GNA14: variants seen among roughly 807,000 people sequenced by gnomAD.
The protein encoded by GNA14 is G protein subunit alpha 14, also known as guanine nucleotide-binding protein subunit alpha-14.
GNA14 carries 50 observed loss-of-function variants against 42.0 expected under a neutral mutation model. That is an observed-to-expected ratio of 1.19 (90% confidence interval 0.95 to 1.51). GNA14 has a LOEUF of 1.51. Ranked by LOEUF, GNA14 falls within the 40% of genes most tolerant of loss-of-function variation. The pLI, the probability that GNA14 is intolerant of heterozygous loss-of-function variation, is 0.00. For missense variants in GNA14, 473 were observed against 446.2 expected, an observed-to-expected ratio of 1.06 and a Z score of -0.54; for synonymous variants, 173 against 163.1, an observed-to-expected ratio of 1.06 and a Z score of -0.46.
chr9:77,498,668 GAA>G (rs1363165663), intron 2 of GNA14, among the ~76,000 whole-genome samples: 6 of 152,174 alleles, frequency 3.9e-5, no homozygotes, highest in Non-Finnish European at 8.8e-5. Context: ...GCTCTTGAGA[GAA>G]CGCCATCCAA....
chr9:77,532,735 G>A (rs899318368), intron 1 of GNA14, among the ~76,000 whole-genome samples: 2 of 152,102 alleles, frequency 1.3e-5, no homozygotes, highest in South Asian at 2.1e-4. Context: ...GCATGCGTCC[G>A]CTCTGCCTTG....
intron 2 of GNA14, among the ~76,000 whole-genome samples, chr9:77,471,571 G>A (rs1836330311): frequency 6.6e-6 from 1 of 152,222 alleles, no homozygotes; most frequent in South Asian, 2.1e-4. Context: ...GAAAATCACA[G>A]AGGAAGAGCA....
At chr9:77,555,048 A>G (rs899726806) in intron 1 of GNA14, among the ~76,000 whole-genome samples, 27 of 152,176 alleles carry the variant, frequency 1.8e-4, no homozygotes, top group African/African-American at 6.3e-4. Flanking sequence ...TTTAAAATGA[A>G]AATATGCACA....
chr9:77,599,421 G>A (rs146092947), intron 1 of GNA14, among the ~76,000 whole-genome samples: 72 of 152,322 alleles, frequency 4.7e-4, no homozygotes, highest in African/African-American at 1.6e-3. Flanking sequence ...TCCCTGTAAG[G>A]GATAATGGGC....
intron 4 of GNA14, 40 bp downstream of exon 4, chr9:77,431,281 T>C (rs760152396): frequency 6.3e-7 from 1 of 1,596,700 alleles, no homozygotes; most frequent in South Asian, 1.1e-5. Context: ...CTTCCAAGCC[T>C]GGGCAGATTC....
chr9:77,427,804 C>T (rs1159871740), intron 5 of GNA14, among the ~76,000 whole-genome samples: 13 of 152,156 alleles, frequency 8.5e-5, no homozygotes, highest in East Asian at 1.9e-4. Flanking sequence ...TCCCAGGAGA[C>T]GTGAAGGCAG....
At chr9:77,620,970 A>G (rs1823912796) in intron 1 of GNA14, among the ~76,000 whole-genome samples, 1 of 151,624 alleles carries the variant, frequency 6.6e-6, no homozygotes. Flanking sequence ...TCTCACTCCT[A>G]TCACCCAGGC....
chr9:77,624,679 G>T lies in GNA14; in HGVS notation c.124+22991C>A, dbSNP rs537575017. On this transcript the variant is annotated intron_variant, in intron 1 of 6. Transcript: ENST00000341700. Reference sequence around the variant, plus strand: ...ACTCCAGCAGACCTGCAGCAGAGGGGCCTGACTGTTAGAAAGAAAACTAAC... The same window carrying T: ...ACTCCAGCAGACCTGCAGCAGAGGGTCCTGACTGTTAGAAAGAAAACTAAC... Among the ~76,000 whole-genome samples, 17 of 152,284 alleles carry T rather than the reference G, an allele frequency of 1.1e-4. No individual in the cohort carries two copies. The South Asian group carries it at 3.3e-3, about 30-fold the overall frequency.
intron 2 of GNA14, among the ~76,000 whole-genome samples, chr9:77,497,752 T>C (rs115698063): frequency 0.011 from 1,620 of 152,114 alleles, 41 homozygotes; most frequent in African/African-American, 0.037. Context: ...TACATATGCA[T>C]ATACATATTT....
intron 1 of GNA14, chr9:77,580,486 A>G: frequency 2.6e-6 from 1 of 383,324 alleles, no homozygotes; most frequent in South Asian, 2.7e-5. Context: ...AGATAGCTGC[A>G]TCATCAGCAT....
intron 1 of GNA14, among the ~76,000 whole-genome samples, chr9:77,635,732 C>T (rs1824174597): frequency 6.6e-6 from 1 of 152,164 alleles, no homozygotes; most frequent in South Asian, 2.1e-4. Flanking sequence ...ATCTCATAAT[C>T]AATGTTGCCT....
intron 1 of GNA14, among the ~76,000 whole-genome samples, chr9:77,548,786 C>T (rs77679416): frequency 0.016 from 2,382 of 152,252 alleles, 69 homozygotes; most frequent in African/African-American, 0.055. Context: ...TGTGCATAAA[C>T]GATCATATTA....
chr9:77,643,301 G>T lies in GNA14; in HGVS notation c.124+4369C>A, dbSNP rs1468296364. Among the ~76,000 whole-genome samples, 6 of 149,668 alleles carry T rather than the reference G, an allele frequency of 4.0e-5. No individual in the cohort carries two copies. The East Asian group carries it at 9.8e-4, about 24-fold the overall frequency. ...GTCACCCAGGCTGGAGTGCAATGGT[G>T]CTATCTCAGCTCACTGCAACCTCCA... On this transcript the variant is annotated intron_variant, in intron 1 of 6. Coordinates refer to ENST00000341700, the MANE Select transcript of GNA14 (RefSeq NM_004297.4).
At chr9:77,485,635 A>G (rs1266534263) in intron 2 of GNA14, among the ~76,000 whole-genome samples, 1 of 152,206 alleles carries the variant, frequency 6.6e-6, no homozygotes, top group Admixed American at 6.5e-5. Context: ...TGTAAATAAT[A>G]AGACTTGGAA....
At chr9:77,441,801 G>C (rs1415029803) in intron 2 of GNA14, among the ~76,000 whole-genome samples, 1 of 152,152 alleles carries the variant, frequency 6.6e-6, no homozygotes, top group Admixed American at 6.6e-5. Flanking sequence ...GAATTATACT[G>C]TGTTTAATGT....
chr9:77,615,849 G>T (rs1310923259), intron 1 of GNA14, among the ~76,000 whole-genome samples: 7 of 136,956 alleles, frequency 5.1e-5, no homozygotes, highest in Non-Finnish European at 7.5e-5. Context: ...TTTGGTTTTT[G>T]TTTTTTTGTT....
At position 77,570,568 on chromosome 9, in the gene GNA14, G is replaced by A. The variant is rs530125553; in HGVS notation, c.125-41315C>T. Among the ~76,000 whole-genome samples the A allele has an allele frequency of 4.1e-4, 62 of 152,206 alleles. No individual in the cohort carries two copies. The South Asian group carries it at 0.013, about 32-fold the overall frequency. ...TTTATTTATCTGGTAGCGTGCATCA[G>A]TACTTCATTTTTTATTGCCAAATAA... On this transcript the variant is annotated intron_variant, in intron 1 of 6. Coordinates refer to ENST00000341700, the MANE Select transcript of GNA14 (RefSeq NM_004297.4).
chr9:77,477,305 CAA>C (rs939605705), intron 2 of GNA14, among the ~76,000 whole-genome samples: 38 of 152,196 alleles, frequency 2.5e-4, no homozygotes, highest in African/African-American at 8.9e-4. Flanking sequence ...TGAGATCCTG[CAA>C]CTGCATTCCA....
At chr9:77,464,547 C>T (rs962264697) in intron 2 of GNA14, among the ~76,000 whole-genome samples, 11 of 151,798 alleles carry the variant, frequency 7.2e-5, no homozygotes, top group African/African-American at 2.7e-4. Context: ...TTTTTAAAAA[C>T]ATTTTTTTTG....
Sources: allele counts gnomAD v4.1 joint callset (sites outside exome capture counted in the v4.1 genomes callset), GRCh38; gene constraint gnomAD v4.1.1; transcripts MANE v1.5; gene names NCBI Gene and HGNC (gene_info 2026-07-23, HGNC 2026-07-21).